Variants in SVIL observed in about 807,000 individuals in gnomAD.
The protein encoded by SVIL is archvillin.
A neutral mutation model predicts 240.4 loss-of-function variants in SVIL; 101 were observed. The ratio of observed to expected loss-of-function variants is 0.42; its 90% CI spans 0.36 to 0.50. The LOEUF is 0.50. Ranked by LOEUF, SVIL falls within the 20% of genes least tolerant of loss-of-function variation. The probability of loss-of-function intolerance (pLI) is 0.01; values close to 1 mark genes in which losing one functional copy is unlikely to be tolerated. For synonymous variants in SVIL, 999 were observed against 1,100.0 expected (o/e 0.91, Z 1.82); for missense variants, 2,512 against 2,818.7 (o/e 0.89, Z 2.46).
intron 2 of SVIL, among the ~76,000 whole-genome samples, chr10:29,665,776 AG>A (rs1959235853): frequency 6.6e-6 from 1 of 151,518 alleles, no homozygotes; most frequent in Non-Finnish European, 1.5e-5. Flanking sequence ...CCTGGACAAC[AG>A]AGTGAGACTC....
intron 32 of SVIL, among the ~76,000 whole-genome samples, chr10:29,468,525 A>G (rs1479647874): frequency 6.6e-6 from 1 of 152,038 alleles, no homozygotes; most frequent in Admixed American, 6.6e-5. Flanking sequence ...CTGTTTTCCA[A>G]GTAATGTGTA....
intron 1 of SVIL, among the ~76,000 whole-genome samples, chr10:29,713,911 A>T (rs1335654817): frequency 2.6e-5 from 4 of 152,220 alleles, no homozygotes; most frequent in Non-Finnish European, 5.9e-5. Flanking sequence ...TAATGTGCTT[A>T]TGAGCTTTTG....
At position 29,532,614 on chromosome 10, in the gene SVIL, T is replaced by A. The variant is rs1386434671; in HGVS notation, c.1753A>T (p.Ile585Phe). The change falls in exon 8 of 38, where the codon ATC (isoleucine) becomes TTC (phenylalanine). Residue 585 changes from isoleucine to phenylalanine, a missense_variant. This residue lies in a region of SVIL where 1,443 missense variants were observed against 1,486.6 expected (regional missense o/e 0.97). Coordinates refer to ENST00000355867, the MANE Select transcript of SVIL (RefSeq NM_021738.3). ...GAGACTTTTGTGTCCAGCATGCTGA[T>A]CTCCCCATAAGGCCCTTCGGTCTTG... ...SSKTEGPYGE[I>F]SMLDTKVSVA... The A allele has an allele frequency of 1.2e-6, 2 of 1,613,944 alleles. No homozygotes were observed. Among genetic ancestry groups the A allele is most frequent in the Non-Finnish European group, 1.7e-6 (2 of 1,179,940 alleles).
At chr10:29,519,737 T>G (rs1589088830) in intron 16 of SVIL, among the ~76,000 whole-genome samples, 1 of 152,252 alleles carries the variant, frequency 6.6e-6, no homozygotes, top group Admixed American at 6.5e-5. Context: ...ATAAATGTAT[T>G]TTAACAAACT....
intron 14 of SVIL, among the ~76,000 whole-genome samples, chr10:29,524,229 A>AT (rs1950745701): frequency 6.6e-6 from 1 of 152,030 alleles, no homozygotes; most frequent in Admixed American, 6.6e-5. Context: ...TGGGCATACT[A>AT]TTTTTTTCTC....
At chr10:29,735,887 G>T (rs1964879208), upstream of SVIL, 1 of 152,030 alleles carries the variant, frequency 6.6e-6, no homozygotes, top group African/African-American at 2.4e-5. The surrounding 1 kb of genome is among the most constrained non-coding windows in gnomAD (Gnocchi z 4.1). Context: ...GTCCCCGCTC[G>T]GGATGATTCA....
chr10:29,459,682 A>G (rs936893201), intron 36 of SVIL, among the ~76,000 whole-genome samples: 37 of 152,196 alleles, frequency 2.4e-4, no homozygotes, highest in African/African-American at 8.4e-4. Context: ...CTCTTCCTCC[A>G]TTAAACTTGG....
chr10:29,522,327 G>T, intron 16 of SVIL, 83 bp downstream of exon 16: 2 of 1,269,484 alleles, frequency 1.6e-6, no homozygotes, highest in Non-Finnish European at 2.2e-6. Flanking sequence ...TCATCTCTTT[G>T]CCCATCACCG....
chr10:29,544,917 G>A (rs1164463858), intron 6 of SVIL: 4 of 504,060 alleles, frequency 7.9e-6, no homozygotes, highest in Admixed American at 2.0e-5. Context: ...GGACTGAAAG[G>A]TGAAGCCAAT....
At chr10:29,557,042 T>C (rs2026665) in intron 3 of SVIL, among the ~76,000 whole-genome samples, 45,980 of 151,728 alleles carry the variant, frequency 0.3, 7,235 homozygotes, top group African/African-American at 0.39. Context: ...CTGAGTAGCA[T>C]AATCACATCC....
intron 16 of SVIL, among the ~76,000 whole-genome samples, chr10:29,516,915 G>A (rs905713869): frequency 2.0e-5 from 3 of 152,144 alleles, no homozygotes; most frequent in Non-Finnish European, 2.9e-5. Flanking sequence ...ACAACCATGT[G>A]CCCCTAATAT....
chr10:29,545,579 G>A (rs577627375), intron 6 of SVIL, among the ~76,000 whole-genome samples: 25 of 152,140 alleles, frequency 1.6e-4, no homozygotes, highest in African/African-American at 5.5e-4. Flanking sequence ...TCTACCAGCC[G>A]GGCGTGGTGG....
intron 3 of SVIL, among the ~76,000 whole-genome samples, chr10:29,558,091 A>G (rs1383446425): frequency 1.3e-5 from 2 of 152,214 alleles, no homozygotes; most frequent in African/African-American, 4.8e-5. Context: ...ATTCCCCAGT[A>G]CTAGAATTTC....
intron 1 of SVIL, among the ~76,000 whole-genome samples, chr10:29,626,022 G>A (rs903589443): frequency 6.6e-6 from 1 of 152,158 alleles, no homozygotes; most frequent in African/African-American, 2.4e-5. Flanking sequence ...AAATGGAAAG[G>A]TGGTAACCAG....
intron 17 of SVIL, among the ~76,000 whole-genome samples, chr10:29,506,605 A>AGAGGCCCTAGAGGGAGGGGACAG (rs1949294051): frequency 5.4e-5 from 8 of 148,614 alleles, no homozygotes; most frequent in Non-Finnish European, 1.2e-4. Context: ...CTGGGGAGAC[A>AGAGGCCCTAGAGGGAGGGGACAG]AGGCCCTAGA....
chr10:29,585,175 T>C (rs10826663), intron 1 of SVIL, among the ~76,000 whole-genome samples: 67,722 of 150,922 alleles, frequency 0.45, 15,625 homozygotes, highest in African/African-American at 0.56. Context: ...TTTGATCTCC[T>C]GAGCTCCAGT....
intron 3 of SVIL, among the ~76,000 whole-genome samples, chr10:29,642,534 G>C (rs542248847): frequency 3.3e-5 from 5 of 152,206 alleles, no homozygotes; most frequent in South Asian, 2.1e-4. Context: ...TCCTAGACAT[G>C]GTCTCTGATT....
At chr10:29,584,128 A>G (rs1214950026) in intron 1 of SVIL, among the ~76,000 whole-genome samples, 7 of 152,228 alleles carry the variant, frequency 4.6e-5, no homozygotes, top group South Asian at 2.1e-4. Flanking sequence ...GATGATGGCA[A>G]TAGGTGAACA....
chr10:29,476,946 T>C (rs2132334931), intron 29 of SVIL, among the ~76,000 whole-genome samples: 1 of 152,214 alleles, frequency 6.6e-6, no homozygotes, highest in African/African-American at 2.4e-5. Flanking sequence ...CAGTGCCACC[T>C]CCGCCTCCCG....
Sources: gnomAD v4.1 joint callset for allele counts (sites outside exome capture counted in the v4.1 genomes callset) on GRCh38, gnomAD v4.1.1 for gene constraint, gnomAD v4.1.1 regional missense constraint, Gnocchi (gnomAD v3.1) non-coding constraint, MANE v1.5 for transcripts, NCBI Gene and HGNC (gene_info 2026-07-23, HGNC 2026-07-21) for gene names.